Variants in SPATA13 observed in about 807,000 individuals in gnomAD.
SPATA13 encodes spermatogenesis associated 13.
In SPATA13, 50 loss-of-function variants were observed where a neutral mutation model predicts 104.0. The observed-to-expected ratio is 0.48, with a 90% CI of 0.38 to 0.61. The LOEUF is 0.61. Ranked by LOEUF, SPATA13 falls within the 20% of genes least tolerant of loss-of-function variation. SPATA13 has a pLI of 0.00. For missense variants in SPATA13, 1,524 were observed against 1,690.6 expected, an observed-to-expected ratio of 0.90 and a Z score of 1.73; for synonymous variants, 606 against 667.5, an observed-to-expected ratio of 0.91 and a Z score of 1.42.
chr13:24,271,295 G>A (rs1874593129), intron 4 of SPATA13, among the ~76,000 whole-genome samples: 1 of 152,040 alleles, frequency 6.6e-6, no homozygotes, highest in African/African-American at 2.4e-5. Flanking sequence ...TTTTGCTGCT[G>A]ATATTGTTAC....
intron 4 of SPATA13, chr13:24,278,808 G>A (rs780313451): frequency 1.9e-6 from 3 of 1,597,586 alleles, no homozygotes; most frequent in Admixed American, 1.7e-5. Flanking sequence ...AATGTGCATC[G>A]CTATCATTTG....
chr13:24,056,844 G>A (rs573711924), intron 3 of SPATA13, among the ~76,000 whole-genome samples: 6 of 151,792 alleles, frequency 4.0e-5, no homozygotes, highest in Non-Finnish European at 7.4e-5. Flanking sequence ...CCCTCACATC[G>A]TCCTGCACAT....
intron 4 of SPATA13, among the ~76,000 whole-genome samples, chr13:24,281,957 A>G (rs550514530): frequency 1.3e-4 from 20 of 152,280 alleles, no homozygotes; most frequent in African/African-American, 4.6e-4. Context: ...GGCAAGGAAG[A>G]CCTAAAATGC....
intron 1 of SPATA13, chr13:24,162,359 T>G (rs1882537685): frequency 6.5e-6 from 1 of 154,540 alleles, no homozygotes; most frequent in African/African-American, 2.4e-5. Context: ...GGGCACACCT[T>G]GCCTCAGTGC....
chr13:24,163,362 A>T (rs1417219457), intron 1 of SPATA13, among the ~76,000 whole-genome samples: 1 of 152,150 alleles, frequency 6.6e-6, no homozygotes, highest in East Asian at 1.9e-4. Context: ...TGATTTTGCC[A>T]CTACACTGCA....
At chr13:24,241,042 G>A (rs4769338) in intron 2 of SPATA13, among the ~76,000 whole-genome samples, 40,326 of 152,032 alleles carry the variant, frequency 0.27, 5,482 homozygotes, top group Admixed American at 0.33. Flanking sequence ...TGACATGCAT[G>A]TCACCCCATT....
intron 1 of SPATA13, among the ~76,000 whole-genome samples, chr13:24,197,894 A>G (rs1220569): frequency 0.89 from 135,736 of 152,150 alleles, 60,887 homozygotes; most frequent in Middle Eastern, 0.97. Context: ...TTTTTCTCCT[A>G]GGATGAAGTC....
intron 2 of SPATA13, among the ~76,000 whole-genome samples, chr13:24,239,297 G>C (rs1872718135): frequency 6.6e-6 from 1 of 152,164 alleles, no homozygotes; most frequent in South Asian, 2.1e-4. Flanking sequence ...CACTGATTTT[G>C]AAATACTTAG....
chr13:24,051,440 C>T lies in SPATA13; in HGVS notation c.-112+33739C>T, dbSNP rs1365241030. Among the ~76,000 whole-genome samples, 6 of 152,238 alleles carry T rather than the reference C, an allele frequency of 3.9e-5. No homozygotes were observed. The highest frequency in any genetic ancestry group is 1.2e-4 in the African/African-American group (5 of 41,462). On this transcript the variant is annotated intron_variant, in intron 3 of 14. Transcript: ENST00000424834. The surrounding 1 kb of genome is among the most constrained non-coding windows in gnomAD (Gnocchi z 4.2). ...CACACCAGGTACAGCCTGCCAGGCT[C>T]TCGCCTCCAGTTTCACACATCCTTG...
At chr13:24,016,893 AG>A (rs966066786) in intron 2 of SPATA13, among the ~76,000 whole-genome samples, 30 of 152,358 alleles carry the variant, frequency 2.0e-4, no homozygotes, top group Non-Finnish European at 3.5e-4. Flanking sequence ...GCCCCCGCCC[AG>A]GCTCATGCCC....
chr13:24,199,176 AC>A (rs1870262398), intron 1 of SPATA13, among the ~76,000 whole-genome samples: 1 of 152,128 alleles, frequency 6.6e-6, no homozygotes, highest in Admixed American at 6.5e-5. Flanking sequence ...GGCCTGAGCC[AC>A]TGCGCCCGCC....
At chr13:24,049,020 A>T (rs1163613632) in intron 3 of SPATA13, among the ~76,000 whole-genome samples, 1 of 152,228 alleles carries the variant, frequency 6.6e-6, no homozygotes, top group Non-Finnish European at 1.5e-5. Context: ...TTAATGAAGT[A>T]GACACAGGGG....
In SPATA13 at chr13:24,011,443, C is replaced by T. The variant is rs1247648575; in HGVS notation, c.-146-6224C>T. Among the ~76,000 whole-genome samples, 2 of 152,300 alleles carry T rather than the reference C, an allele frequency of 1.3e-5. No individual in the cohort carries two copies. The highest frequency in any genetic ancestry group is 2.4e-5 in the African/African-American group (1 of 41,552). On this transcript the variant is annotated intron_variant, in intron 2 of 14. Transcript: ENST00000424834. The surrounding 1 kb of genome is among the most constrained non-coding windows in gnomAD (Gnocchi z 4.3). ...TGCTGCCCTCCCCTGGAGAATGTGG[C>T]GACCCAGCAGCAGGTGGTTGAGAGT...
intron 1 of SPATA13, among the ~76,000 whole-genome samples, chr13:24,221,600 C>T (rs1871591149): frequency 6.6e-6 from 1 of 151,754 alleles, no homozygotes; most frequent in African/African-American, 2.4e-5. Context: ...AAGGGATGGA[C>T]ACAGGTGTGT....
Position 24,067,667 on chromosome 13 carries a change from A to G in SPATA13, c.-112+49966A>G, listed in dbSNP as rs573721839. 1.5e-3 allele frequency among the ~76,000 whole-genome samples: 227 copies of G among 152,310 alleles called. 3 individuals carry two copies. The highest frequency in any genetic ancestry group is 5.2e-3 in the African/African-American group (215 of 41,576). On this transcript the variant is annotated intron_variant, in intron 3 of 14. Coordinates refer to the SPATA13 transcript ENST00000424834. ...CTCAGGAACAGAATCTTGGGGTAGA[A>G]AAAGCTGCTGATTTGACCTAATATG...
Position 24,290,840 on chromosome 13 carries a change from G to T in SPATA13, c.3036G>T (p.Pro1012=), listed in dbSNP as rs748574948. 1 of 1,614,020 alleles carries T rather than the reference G, an allele frequency of 6.2e-7. No individual in the cohort carries two copies. The highest frequency in any genetic ancestry group is 8.5e-7 in the Non-Finnish European group (1 of 1,180,030). Residue 1012 remains proline, a synonymous_variant, in exon 9 of 13, where the codon CCG becomes CCT. Coordinates refer to ENST00000382108, the MANE Select transcript of SPATA13 (RefSeq NM_001166271.3). ...LTPVQKICKY[P]LQLAELLKYT... is the part of the protein sequence containing the mutation. ...CAGTGCAGAAGATCTGCAAATACCC[G>T]CTGCAGCTGGCCGAGCTGCTCAAGT... is the stretch of plus-strand genomic sequence containing the variant.
chr13:24,241,290 C>T (rs1872819136), intron 2 of SPATA13, among the ~76,000 whole-genome samples: 1 of 152,192 alleles, frequency 6.6e-6, no homozygotes, highest in African/African-American at 2.4e-5. Flanking sequence ...TGGCCCAGGC[C>T]CTGTCCTAAG....
chr13:24,267,461 C>T (rs1874350069), intron 4 of SPATA13, among the ~76,000 whole-genome samples: 1 of 152,104 alleles, frequency 6.6e-6, no homozygotes, highest in Non-Finnish European at 1.5e-5. Flanking sequence ...GTGCCCTGAC[C>T]CCGTCTCTGG....
chr13:24,016,719 C>T (rs965459435), intron 2 of SPATA13, among the ~76,000 whole-genome samples: 1 of 152,230 alleles, frequency 6.6e-6, no homozygotes, highest in Non-Finnish European at 1.5e-5. Context: ...TTTCATTGTC[C>T]TTGTGCAGAG....
Sources: gnomAD v4.1 joint callset for allele counts (sites outside exome capture counted in the v4.1 genomes callset) on GRCh38, gnomAD v4.1.1 for gene constraint, Gnocchi (gnomAD v3.1) non-coding constraint, MANE v1.5 for transcripts, NCBI Gene and HGNC (gene_info 2026-07-23, HGNC 2026-07-21) for gene names.